PRDM5: variants seen among roughly 807,000 people sequenced by gnomAD.
The protein encoded by PRDM5 is PR domain zinc finger protein 5.
In PRDM5, 56 loss-of-function variants were observed where a neutral mutation model predicts 81.2. The ratio of observed to expected loss-of-function variants is 0.69; its 90% confidence interval spans 0.56 to 0.86. The LOEUF is 0.86. Ranked by LOEUF, PRDM5 falls within the 40% of genes least tolerant of loss-of-function variation. The pLI is 0.00. For missense variants in PRDM5, 697 were observed against 770.1 expected, an observed-to-expected ratio of 0.91 and a Z score of 1.12; for synonymous variants, 267 against 256.4, an observed-to-expected ratio of 1.04 and a Z score of -0.39.
chr4:120,916,858 C>T (rs1237528446), intron 1 of PRDM5, among the ~76,000 whole-genome samples: 1 of 152,238 alleles, frequency 6.6e-6, no homozygotes, highest in Non-Finnish European at 1.5e-5. Flanking sequence ...TTACCCCACA[C>T]TACCAAAGTA....
intron 8 of PRDM5, among the ~76,000 whole-genome samples, chr4:120,801,884 T>TA (rs201048736): frequency 6.6e-6 from 1 of 152,140 alleles, no homozygotes; most frequent in Non-Finnish European, 1.5e-5. Flanking sequence ...CTGTAATATA[T>TA]ATAATTTTAT....
intron 3 of PRDM5, among the ~76,000 whole-genome samples, chr4:120,840,692 T>A (rs1397801536): frequency 6.6e-6 from 1 of 152,100 alleles, no homozygotes; most frequent in Non-Finnish European, 1.5e-5. Flanking sequence ...ATGGGGCCCC[T>A]CTGTCCATCA....
chr4:120,787,623 G>C (rs1016614225), intron 10 of PRDM5, among the ~76,000 whole-genome samples: 1 of 152,144 alleles, frequency 6.6e-6, no homozygotes, highest in Non-Finnish European at 1.5e-5. Context: ...AAGTGAACAG[G>C]TTTTGAGAAA....
chr4:120,767,683 A>G (rs935864198), intron 13 of PRDM5, among the ~76,000 whole-genome samples: 2 of 152,210 alleles, frequency 1.3e-5, no homozygotes, highest in African/African-American at 4.8e-5. Context: ...GTTACTGCCC[A>G]CTATAAAGCT....
At chr4:120,695,494 T>G (rs764347672) in intron 15 of PRDM5, among the ~76,000 whole-genome samples, 5 of 152,154 alleles carry the variant, frequency 3.3e-5, no homozygotes, top group Non-Finnish European at 1.5e-5. Context: ...CCTAATGGAA[T>G]GTATTTGCCA....
At chr4:120,808,070 C>T (rs1462178460) in intron 8 of PRDM5, among the ~76,000 whole-genome samples, 1 of 152,024 alleles carries the variant, frequency 6.6e-6, no homozygotes, top group African/African-American at 2.4e-5. Context: ...CAGTGTGGAC[C>T]CAAAGAGTGA....
intron 14 of PRDM5, among the ~76,000 whole-genome samples, chr4:120,713,820 C>A (rs891289080): frequency 9.2e-5 from 14 of 152,288 alleles, no homozygotes; most frequent in African/African-American, 3.1e-4. Context: ...ACATTTATTT[C>A]TCACCATTCT....
intron 14 of PRDM5, among the ~76,000 whole-genome samples, chr4:120,717,717 C>A (rs535182380): frequency 1.2e-4 from 19 of 152,272 alleles, no homozygotes; most frequent in African/African-American, 4.3e-4. Context: ...GGGTCAACCT[C>A]GGATCCCTGG....
At chr4:120,785,198 G>A (rs1465068528) in intron 10 of PRDM5, 107 bp from the exon 11 acceptor site, 9 of 843,302 alleles carry the variant, frequency 1.1e-5, no homozygotes, top group Non-Finnish European at 1.8e-5. Flanking sequence ...AGGGAAGGTG[G>A]ACAGTATCTG....
chr4:120,726,365 T>C (rs1739413134), intron 14 of PRDM5, among the ~76,000 whole-genome samples: 1 of 152,188 alleles, frequency 6.6e-6, no homozygotes, highest in African/African-American at 2.4e-5. Context: ...CGGATCTCAG[T>C]GCTGAATCAT....
rs1054394038 is a variant in PRDM5, at chr4:120,728,692, G to A, written c.1624-18279C>T. Among the ~76,000 whole-genome samples the A allele has an allele frequency of 5.9e-5, 9 of 151,982 alleles. No individual in the cohort carries two copies. The South Asian group carries it at 6.2e-4, about 11-fold the overall frequency. On this transcript the variant is annotated intron_variant, in intron 14 of 15. Transcript: ENST00000264808. ...CCGCCCCCTGCCCCTTACATACGTC[G>A]CCTAGTGTTGCGTTAGAAGCATGGT...
At chr4:120,854,548 T>A (rs375693966) in intron 2 of PRDM5, among the ~76,000 whole-genome samples, 1 of 152,208 alleles carries the variant, frequency 6.6e-6, no homozygotes, top group Non-Finnish European at 1.5e-5. Flanking sequence ...TGTATTTTCA[T>A]GCTACATCTG....
intron 1 of PRDM5, among the ~76,000 whole-genome samples, chr4:120,909,479 G>A (rs1229103792): frequency 6.6e-6 from 1 of 152,136 alleles, no homozygotes; most frequent in South Asian, 2.1e-4. Context: ...ATGAATGAAT[G>A]TGGTTCCATT....
intron 2 of PRDM5, among the ~76,000 whole-genome samples, chr4:120,886,839 C>A (rs1763488079): frequency 6.6e-6 from 1 of 152,154 alleles, no homozygotes; most frequent in African/African-American, 2.4e-5. Flanking sequence ...ACCTTGTCAT[C>A]CCTCTCAGTC....
At chr4:120,741,131 C>T (rs760909629) in intron 14 of PRDM5, among the ~76,000 whole-genome samples, 3 of 152,132 alleles carry the variant, frequency 2.0e-5, no homozygotes, top group Non-Finnish European at 2.9e-5. Flanking sequence ...GCTTTTTATG[C>T]ATGCCTCCTA....
At chr4:120,873,366 C>T (rs1187544517) in intron 2 of PRDM5, among the ~76,000 whole-genome samples, 1 of 152,190 alleles carries the variant, frequency 6.6e-6, no homozygotes, top group African/African-American at 2.4e-5. Flanking sequence ...GTTGTACAGA[C>T]AGTGGGCTCA....
chr4:120,737,028 T>C (rs1258225357), intron 14 of PRDM5, among the ~76,000 whole-genome samples: 1 of 152,170 alleles, frequency 6.6e-6, no homozygotes, highest in East Asian at 1.9e-4. Context: ...AGTTAAGGCT[T>C]GAGCTTGAAG....
intron 7 of PRDM5, among the ~76,000 whole-genome samples, chr4:120,814,682 T>A (rs544556660): frequency 6.6e-6 from 1 of 152,370 alleles, no homozygotes; most frequent in Non-Finnish European, 1.5e-5. Flanking sequence ...TACAACCATG[T>A]ATATGAGAGC....
chr4:120,921,878 A>C (rs756016019), intron 1 of PRDM5, among the ~76,000 whole-genome samples: 1 of 151,466 alleles, frequency 6.6e-6, no homozygotes, highest in Non-Finnish European at 1.5e-5. Flanking sequence ...AAAAAAAAAG[A>C]GCGGAGAAAA....
Sources: allele counts gnomAD v4.1 joint callset (sites outside exome capture counted in the v4.1 genomes callset), GRCh38; gene constraint gnomAD v4.1.1; transcripts MANE v1.5; gene names NCBI Gene and HGNC (gene_info 2026-07-23, HGNC 2026-07-21).